The following ARHGEF7 variants were observed in gnomAD, a reference collection of about 807,000 sequenced individuals.
ARHGEF7 encodes the protein PAK-interacting exchange factor beta.
Under a neutral mutation model 109.8 loss-of-function variants are expected in ARHGEF7, and 33 were observed. The ratio of observed to expected loss-of-function variants is 0.30; its 90% CI spans 0.23 to 0.40. ARHGEF7 has a LOEUF of 0.40. Among genes scored for constraint, ARHGEF7 ranks in the 10% least tolerant of loss-of-function variants. The pLI, the probability that ARHGEF7 is intolerant of heterozygous loss-of-function variation, is 1.00. For synonymous variants in ARHGEF7, 458 were observed against 424.6 expected (o/e 1.08, Z -0.97); for missense variants, 938 against 1,098.5 (o/e 0.85, Z 2.07).
intron 6 of ARHGEF7, among the ~76,000 whole-genome samples, chr13:111,238,990 C>G (rs577245035): frequency 6.6e-6 from 1 of 152,096 alleles, no homozygotes; most frequent in African/African-American, 2.4e-5. Flanking sequence ...ACAGTCATGG[C>G]GGAAGGCACC....
chr13:111,210,741 A>T (rs148210752), intron 4 of ARHGEF7, among the ~76,000 whole-genome samples: 1 of 152,284 alleles, frequency 6.6e-6, no homozygotes, highest in Non-Finnish European at 1.5e-5. Context: ...AGTGACTTCG[A>T]TTGGCTGCTG....
intron 17 of ARHGEF7, among the ~76,000 whole-genome samples, chr13:111,287,299 C>T (rs2093060985): frequency 6.6e-6 from 1 of 152,216 alleles, no homozygotes; most frequent in Non-Finnish European, 1.5e-5. Context: ...GATGCCTGCT[C>T]TGTTGCTTAC....
intron 1 of ARHGEF7, among the ~76,000 whole-genome samples, chr13:111,129,976 G>T (rs954331327): frequency 1.3e-5 from 2 of 152,218 alleles, no homozygotes; most frequent in Non-Finnish European, 2.9e-5. Context: ...AAATAATGCA[G>T]ATGTTTTACA....
At chr13:111,152,828 C>T (rs2153373195) in intron 1 of ARHGEF7, among the ~76,000 whole-genome samples, 1 of 152,304 alleles carries the variant, frequency 6.6e-6, no homozygotes, top group South Asian at 2.1e-4. Context: ...ATGCCTCAGG[C>T]TTCTTAAAAT....
At chr13:111,184,532 C>T (rs1255594673) in intron 2 of ARHGEF7, among the ~76,000 whole-genome samples, 1 of 152,194 alleles carries the variant, frequency 6.6e-6, no homozygotes, top group East Asian at 1.9e-4. Context: ...GCATGGTTCC[C>T]AGCCCTGAAA....
intron 8 of ARHGEF7, chr13:111,265,474 CT>C: frequency 2.3e-6 from 1 of 425,896 alleles, no homozygotes; most frequent in Non-Finnish European, 4.8e-6. Flanking sequence ...CTGACTATGA[CT>C]TTCTCCAGCC....
chr13:111,153,043 T>C (rs2075979405), intron 1 of ARHGEF7, among the ~76,000 whole-genome samples: 1 of 152,268 alleles, frequency 6.6e-6, no homozygotes, highest in Non-Finnish European at 1.5e-5. Flanking sequence ...TGTTAACTAT[T>C]TCGGTTAATC....
intron 15 of ARHGEF7, among the ~76,000 whole-genome samples, chr13:111,282,266 C>G (rs1358703073): frequency 6.6e-6 from 1 of 152,212 alleles, no homozygotes; most frequent in East Asian, 1.9e-4. Flanking sequence ...GTTTCCAGTT[C>G]ACAGCGCCAC....
chr13:111,175,062 C>T (rs1247532196), intron 2 of ARHGEF7, among the ~76,000 whole-genome samples: 3 of 152,190 alleles, frequency 2.0e-5, no homozygotes, highest in African/African-American at 4.8e-5. Flanking sequence ...AGATTGTAGC[C>T]TTTCCACAAG....
At chr13:111,116,428 C>G (rs1376105662) in intron 1 of ARHGEF7, 2 of 152,658 alleles carry the variant, frequency 1.3e-5, no homozygotes, top group African/African-American at 4.8e-5. Flanking sequence ...ACCCGAATCT[C>G]TGGAAGTGAT....
intron 16 of ARHGEF7, among the ~76,000 whole-genome samples, chr13:111,283,762 A>G (rs1177486864): frequency 1.3e-5 from 2 of 152,216 alleles, no homozygotes; most frequent in African/African-American, 4.8e-5. Context: ...GATCCTGTCC[A>G]GGAGCCCTGC....
At chr13:111,208,263 C>T (rs982487553) in intron 3 of ARHGEF7, among the ~76,000 whole-genome samples, 2 of 152,182 alleles carry the variant, frequency 1.3e-5, no homozygotes, top group Admixed American at 1.3e-4. Context: ...TGGTCTGGAA[C>T]TCCCAGCCTC....
At chr13:111,282,272 G>A (rs1271923080) in intron 15 of ARHGEF7, among the ~76,000 whole-genome samples, 2 of 152,150 alleles carry the variant, frequency 1.3e-5, no homozygotes, top group East Asian at 3.8e-4. Flanking sequence ...AGTTCACAGC[G>A]CCACACAGCT....
At chr13:111,164,801 T>C (rs2077000053) in intron 2 of ARHGEF7, among the ~76,000 whole-genome samples, 1 of 152,208 alleles carries the variant, frequency 6.6e-6, no homozygotes, top group African/African-American at 2.4e-5. Flanking sequence ...GGGATAAGAA[T>C]AACCCTCAAC....
intron 2 of ARHGEF7, among the ~76,000 whole-genome samples, chr13:111,186,160 C>T (rs764162591): frequency 2.0e-5 from 3 of 152,094 alleles, no homozygotes; most frequent in Non-Finnish European, 2.9e-5. Flanking sequence ...GTGGAGGTTG[C>T]GCCCGGTCTG....
At position 111,117,182 on chromosome 13, in the gene ARHGEF7, C is replaced by T. The variant is rs182273244; in HGVS notation, c.165+1491C>T. On this transcript the variant is annotated intron_variant, in intron 1 of 21. Transcript: ENST00000646102. ...GCAAAGCTTTAAGAAGTGTCATATGCTGTATTGATAAAAACATGTCGCCAT... is the reference window on the plus strand; with the variant it reads ...GCAAAGCTTTAAGAAGTGTCATATGTTGTATTGATAAAAACATGTCGCCAT... 4.1e-4 allele frequency among the ~76,000 whole-genome samples: 63 copies of T among 152,256 alleles called. 2 individuals carry two copies. The highest frequency in any genetic ancestry group is 4.1e-3 in the Admixed American group (63 of 15,298).
chr13:111,237,326 GA>G (rs1285330342), intron 6 of ARHGEF7, among the ~76,000 whole-genome samples: 3 of 151,680 alleles, frequency 2.0e-5, no homozygotes, highest in African/African-American at 4.8e-5. Flanking sequence ...CTAAGGCTTT[GA>G]AAAAAAATAG....
intron 9 of ARHGEF7, among the ~76,000 whole-genome samples, chr13:111,269,542 C>T (rs2091963482): frequency 6.6e-6 from 1 of 152,168 alleles, no homozygotes; most frequent in African/African-American, 2.4e-5. Flanking sequence ...AGAAAGAATA[C>T]AGGTGGGTTT....
chr13:111,305,440 C>CT lies in ARHGEF7; in HGVS notation c.*2330dup. On this transcript the variant is annotated 3_prime_UTR_variant, in exon 22 of 22. Transcript: ENST00000646102. ...TTTCTTATCCTGTAGATGTGAAGCA[C>CT]TTTCAGTTTTCAGCGATGTTGGAAT... is the stretch of plus-strand genomic sequence containing the variant. 6.6e-6 allele frequency: 1 copy of CT among 152,238 alleles called. No homozygotes were observed. Among genetic ancestry groups the CT allele is most frequent in the East Asian group, 1.9e-4 (1 of 5,206 alleles). The allele number at this position is 152,238 out of a possible 1,614,324, so 9.4% of individuals were successfully genotyped here. A position where few individuals can be genotyped will look rare whatever the true frequency, so the allele number is the denominator to read the frequency against.
Sources: gnomAD v4.1 joint callset for allele counts (sites outside exome capture counted in the v4.1 genomes callset) on GRCh38, gnomAD v4.1.1 for gene constraint, MANE v1.5 for transcripts, NCBI Gene and HGNC (gene_info 2026-07-23, HGNC 2026-07-21) for gene names.